The following NOVA1 variants were observed in gnomAD, a reference collection of about 807,000 sequenced individuals.
NOVA1 encodes the protein NOVA alternative splicing regulator 1.
Under a neutral mutation model 38.0 loss-of-function variants are expected in NOVA1, and 7 were observed. The ratio of observed to expected loss-of-function variants is 0.18; its 90% CI spans 0.10 to 0.35. The LOEUF (loss-of-function observed/expected upper bound fraction) is 0.35. NOVA1 is among the 10% of genes least tolerant of loss of function. NOVA1 has a pLI of 1.00. For synonymous variants in NOVA1, 270 were observed against 232.5 expected, an observed-to-expected ratio of 1.16 and a Z score of -1.47; for missense variants, 460 against 616.0, an observed-to-expected ratio of 0.75 and a Z score of 2.68.
intron 3 of NOVA1, among the ~76,000 whole-genome samples, chr14:26,477,227 T>C (rs1043942158): frequency 1.6e-4 from 25 of 152,206 alleles, no homozygotes; most frequent in South Asian, 8.3e-4. Context: ...ACAAGTGCTA[T>C]TTTTGTCAAT....
In NOVA1 at chr14:26,479,962, C is replaced by T. The variant is rs1885319359; in HGVS notation, c.447+15G>A. 1 of 1,611,756 alleles carries T rather than the reference C, an allele frequency of 6.2e-7. No individual in the cohort carries two copies. The highest frequency in any genetic ancestry group is 1.7e-5 in the Admixed American group (1 of 59,724). Reference sequence around the variant, plus strand: ...CTGTGGATATTTCTCTTTGATTTCTCAACTAAACACTCACTTGTTTGATGC... The same window carrying T: ...CTGTGGATATTTCTCTTTGATTTCTTAACTAAACACTCACTTGTTTGATGC... On this transcript the variant is annotated intron_variant, in intron 3 of 4. Coordinates refer to ENST00000539517, the MANE Select transcript of NOVA1 (RefSeq NM_002515.3).
chr14:26,519,791 G>A (rs1486273399), intron 2 of NOVA1, among the ~76,000 whole-genome samples: 1 of 151,942 alleles, frequency 6.6e-6, no homozygotes, highest in Non-Finnish European at 1.5e-5. Context: ...GATAATTAGT[G>A]AAAATATAAG....
intron 2 of NOVA1, among the ~76,000 whole-genome samples, chr14:26,575,292 G>C (rs1173327815): frequency 6.6e-6 from 1 of 151,696 alleles, no homozygotes; most frequent in Non-Finnish European, 1.5e-5. Context: ...GTGAAAAGGA[G>C]CTTGCAGTGA....
Position 26,507,286 on chromosome 14 carries a change from T to A in NOVA1, c.281-27143A>T, listed in dbSNP as rs571757271. Among the ~76,000 whole-genome samples the A allele has an allele frequency of 3.1e-3, 432 of 141,536 alleles. 1 individual carries two copies. Among genetic ancestry groups the A allele is most frequent in the Non-Finnish European group, 3.6e-3 (228 of 63,386 alleles). The allele number at this position is 141,536 out of a possible 152,430, so 92.9% of individuals were successfully genotyped here. A position where few individuals can be genotyped will look rare whatever the true frequency, so the allele number is the denominator to read the frequency against. ...TTCAACTCATTGTAAAAAAAAAAAA[T>A]AATGTCAAAACTAGGTTTTAAATGG... On this transcript the variant is annotated intron_variant, in intron 2 of 4. Coordinates refer to ENST00000539517, the MANE Select transcript of NOVA1 (RefSeq NM_002515.3).
At position 26,455,737 on chromosome 14, in the gene NOVA1, G is replaced by A. The variant is rs188504257; in HGVS notation, c.520-6774C>T. Among the ~76,000 whole-genome samples, 21 of 152,038 alleles carry A rather than the reference G, an allele frequency of 1.4e-4. No individual in the cohort carries two copies. In the East Asian group the frequency reaches 3.9e-3, roughly 28 times the overall value. ...AATCTATGCTTTCTAGGTGAAGGAG[G>A]AACAGAAGAGAAGCACTTCAAACTA... On this transcript the variant is annotated intron_variant, in intron 4 of 4. Coordinates refer to ENST00000539517, the MANE Select transcript of NOVA1 (RefSeq NM_002515.3).
chr14:26,544,472 G>T (rs556958856), intron 2 of NOVA1, among the ~76,000 whole-genome samples: 10 of 148,276 alleles, frequency 6.7e-5, no homozygotes, highest in Non-Finnish European at 1.3e-4. Context: ...AAAACATAAG[G>T]TTAAAAAAAA....
chr14:26,466,422 A>C (rs1183564985), intron 4 of NOVA1, among the ~76,000 whole-genome samples: 2 of 152,198 alleles, frequency 1.3e-5, no homozygotes, highest in Non-Finnish European at 2.9e-5. Context: ...TGTAAGTGGA[A>C]AGCCTGAGTG....
At chr14:26,494,576 T>C (rs1886613212) in intron 2 of NOVA1, among the ~76,000 whole-genome samples, 1 of 152,182 alleles carries the variant, frequency 6.6e-6, no homozygotes, top group African/African-American at 2.4e-5. Flanking sequence ...ATTTTACCTT[T>C]CCTTTTCATG....
At chr14:26,478,110 A>C (rs1430078844) in intron 3 of NOVA1, among the ~76,000 whole-genome samples, 1 of 151,942 alleles carries the variant, frequency 6.6e-6, no homozygotes, top group Non-Finnish European at 1.5e-5. Context: ...TTTTATACTT[A>C]TCTTGAAGTT....
At position 26,508,922 on chromosome 14, in the gene NOVA1, GC is replaced by G. The variant is rs200236894; in HGVS notation, c.281-28780del. 4.2e-4 allele frequency among the ~76,000 whole-genome samples: 64 copies of G among 151,756 alleles called. 1 individual carries two copies. The East Asian group carries it at 0.011, about 27-fold the overall frequency. On this transcript the variant is annotated intron_variant, in intron 2 of 4. Transcript: ENST00000539517. ...GAAAGATGAATAGATAAGCAAACTA[GC>G]CCATCTAGGATAAAATGAACTTGTA...
intron 2 of NOVA1, among the ~76,000 whole-genome samples, chr14:26,536,364 T>C (rs1402640974): frequency 2.6e-5 from 4 of 152,072 alleles, no homozygotes; most frequent in African/African-American, 9.7e-5. Context: ...AAAAATGTAA[T>C]TGTATTATTT....
At chr14:26,583,062 C>T (rs961369071) in intron 2 of NOVA1, among the ~76,000 whole-genome samples, 17 of 151,806 alleles carry the variant, frequency 1.1e-4, no homozygotes, top group African/African-American at 3.9e-4. Flanking sequence ...ACATACCTTT[C>T]CTTAAACAGA....
chr14:26,470,721 A>G (rs1392843148), intron 4 of NOVA1, among the ~76,000 whole-genome samples: 1 of 152,124 alleles, frequency 6.6e-6, no homozygotes, highest in Non-Finnish European at 1.5e-5. Flanking sequence ...TCATATAAGA[A>G]TAAATGAAAG....
At chr14:26,456,385 C>T (rs574857592) in intron 4 of NOVA1, among the ~76,000 whole-genome samples, 2 of 151,432 alleles carry the variant, frequency 1.3e-5, no homozygotes, top group South Asian at 2.1e-4. Flanking sequence ...CCAGGGGAAA[C>T]GTGGGAGTTA....
intron 4 of NOVA1, among the ~76,000 whole-genome samples, chr14:26,449,764 A>G (rs1214729994): frequency 6.6e-6 from 1 of 152,084 alleles, no homozygotes; most frequent in Non-Finnish European, 1.5e-5. Flanking sequence ...AGGGCTTACT[A>G]CCATCTTACC....
At chr14:26,582,861 T>C (rs148924349) in intron 2 of NOVA1, among the ~76,000 whole-genome samples, 69 of 151,856 alleles carry the variant, frequency 4.5e-4, no homozygotes, top group African/African-American at 1.6e-3. Flanking sequence ...CCTTCCACTG[T>C]AAAATTACTA....
At chr14:26,449,372 A>C (rs1031107535) in intron 4 of NOVA1, among the ~76,000 whole-genome samples, 2 of 152,154 alleles carry the variant, frequency 1.3e-5, no homozygotes, top group African/African-American at 4.8e-5. Context: ...TAAAACATTT[A>C]AAAAACAAAG....
At chr14:26,537,496 G>A (rs1890185209) in intron 2 of NOVA1, among the ~76,000 whole-genome samples, 1 of 151,898 alleles carries the variant, frequency 6.6e-6, no homozygotes, top group Non-Finnish European at 1.5e-5. Context: ...CTATTAAAGT[G>A]CAAAATTCTA....
At chr14:26,492,643 A>G (rs919016685) in intron 2 of NOVA1, among the ~76,000 whole-genome samples, 1 of 152,208 alleles carries the variant, frequency 6.6e-6, no homozygotes, top group African/African-American at 2.4e-5. Flanking sequence ...TATGACTATA[A>G]TGCTGAGAAC....
Sources: gnomAD v4.1 joint callset for allele counts (sites outside exome capture counted in the v4.1 genomes callset) on GRCh38, gnomAD v4.1.1 for gene constraint, MANE v1.5 for transcripts, NCBI Gene and HGNC (gene_info 2026-07-23, HGNC 2026-07-21) for gene names.